Variants in NEDD4L observed in about 807,000 individuals in gnomAD.
NEDD4L encodes E3 ubiquitin-protein ligase NEDD4-like.
In NEDD4L, 54 loss-of-function variants were observed where a neutral mutation model predicts 148.9. The observed-to-expected ratio is 0.36, with a 90% CI of 0.29 to 0.45. The LOEUF (loss-of-function observed/expected upper bound fraction) is 0.45. Among genes scored for constraint, NEDD4L ranks in the 20% least tolerant of loss-of-function variants. The pLI is 1.00. For synonymous variants in NEDD4L, 433 were observed against 440.7 expected (o/e 0.98, Z 0.22); for missense variants, 856 against 1,233.8 (o/e 0.69, Z 4.59).
At chr18:58,108,892 C>T (rs551090331) in intron 1 of NEDD4L, among the ~76,000 whole-genome samples, 29 of 152,292 alleles carry the variant, frequency 1.9e-4, no homozygotes, top group Admixed American at 5.2e-4. Flanking sequence ...GATAACTGTA[C>T]ACATCACATT....
At chr18:58,335,613 T>C in intron 13 of NEDD4L, 76 bp downstream of exon 13, 1 of 1,078,200 alleles carries the variant, frequency 9.3e-7, no homozygotes, top group South Asian at 1.2e-5. Flanking sequence ...GTGGTGAATA[T>C]ACGCTGTTTT....
intron 5 of NEDD4L, among the ~76,000 whole-genome samples, chr18:58,271,109 C>G (rs2050980482): frequency 6.6e-6 from 1 of 151,512 alleles, no homozygotes; most frequent in Non-Finnish European, 1.5e-5. Context: ...TGTTTTTTTC[C>G]CTGAAAGAGA....
At chr18:58,221,705 C>G (rs1212995353) in intron 2 of NEDD4L, 1 of 985,338 alleles carries the variant, frequency 1.0e-6, no homozygotes, top group East Asian at 1.1e-4. Context: ...CAGCGCTAGT[C>G]CAGCTGAACA....
At chr18:58,229,720 G>A (rs1412651693) in intron 2 of NEDD4L, among the ~76,000 whole-genome samples, 2 of 152,088 alleles carry the variant, frequency 1.3e-5, no homozygotes, top group Non-Finnish European at 2.9e-5. Context: ...GGCTGGGCGC[G>A]GTGGCTCATG....
intron 1 of NEDD4L, among the ~76,000 whole-genome samples, chr18:58,063,003 A>G (rs1479979110): frequency 6.7e-6 from 1 of 148,692 alleles, no homozygotes; most frequent in Non-Finnish European, 1.5e-5. Context: ...AAAAAAAAAA[A>G]AGAAATCGAA....
At chr18:58,077,168 T>G (rs2083212376) in intron 1 of NEDD4L, among the ~76,000 whole-genome samples, 1 of 107,530 alleles carries the variant, frequency 9.3e-6, no homozygotes, top group Non-Finnish European at 1.8e-5. Flanking sequence ...GGCTTTTTTT[T>G]TTTTTTTTTT....
intron 2 of NEDD4L, among the ~76,000 whole-genome samples, chr18:58,202,325 C>T (rs1004651780): frequency 1.3e-5 from 2 of 152,250 alleles, no homozygotes; most frequent in Non-Finnish European, 2.9e-5. Context: ...ACTCTCTTTC[C>T]CTCTGCCTAT....
intron 1 of NEDD4L, among the ~76,000 whole-genome samples, chr18:58,140,543 G>A (rs1325337685): frequency 6.6e-6 from 1 of 152,052 alleles, no homozygotes; most frequent in African/African-American, 2.4e-5. Flanking sequence ...AATACATAGT[G>A]TGTCCCCTTG....
intron 1 of NEDD4L, among the ~76,000 whole-genome samples, chr18:58,096,563 CTGG>C (rs2084425738): frequency 6.6e-6 from 1 of 152,062 alleles, no homozygotes; most frequent in Admixed American, 6.5e-5. Flanking sequence ...ACCACAATGC[CTGG>C]CTAATTTTTG....
intron 1 of NEDD4L, among the ~76,000 whole-genome samples, chr18:58,061,322 A>T (rs1236704350): frequency 2.6e-5 from 4 of 152,216 alleles, no homozygotes; most frequent in African/African-American, 9.6e-5. Context: ...TGAGGCATAG[A>T]CAGGATGGGT....
chr18:58,295,142 A>T (rs1600824702), intron 5 of NEDD4L, among the ~76,000 whole-genome samples: 1 of 152,284 alleles, frequency 6.6e-6, no homozygotes, highest in Non-Finnish European at 1.5e-5. Context: ...AGTTTACACT[A>T]GGGTTCTCTC....
At chr18:58,192,101 T>C (rs1194292433) in intron 2 of NEDD4L, among the ~76,000 whole-genome samples, 1 of 151,968 alleles carries the variant, frequency 6.6e-6, no homozygotes, top group Non-Finnish European at 1.5e-5. Flanking sequence ...AATACAAGAG[T>C]TGGAGGTTGC....
intron 1 of NEDD4L, among the ~76,000 whole-genome samples, chr18:58,060,755 A>G (rs577413054): frequency 1.3e-5 from 2 of 152,166 alleles, no homozygotes; most frequent in African/African-American, 4.8e-5. Context: ...GACATTTGGC[A>G]ATGCCTGGAG....
At chr18:58,345,800 G>C (rs1395035963) in intron 16 of NEDD4L, among the ~76,000 whole-genome samples, 2 of 151,988 alleles carry the variant, frequency 1.3e-5, no homozygotes, top group Non-Finnish European at 1.5e-5. Context: ...GGAGTGTAAT[G>C]GCACAATCTC....
chr18:58,307,865 A>G (rs1309933435), intron 5 of NEDD4L, among the ~76,000 whole-genome samples: 3 of 152,242 alleles, frequency 2.0e-5, no homozygotes, highest in Non-Finnish European at 4.4e-5. Flanking sequence ...ATTTCAGATT[A>G]AGATCTGTTC....
chr18:58,302,745 AC>A (rs1437602697), intron 5 of NEDD4L, among the ~76,000 whole-genome samples: 1 of 152,168 alleles, frequency 6.6e-6, no homozygotes, highest in Non-Finnish European at 1.5e-5. Flanking sequence ...CCAGATGAGG[AC>A]CCTTGTCCAG....
chr18:58,201,557 A>G (rs1283962385), intron 2 of NEDD4L, among the ~76,000 whole-genome samples: 1 of 152,166 alleles, frequency 6.6e-6, no homozygotes, highest in East Asian at 1.9e-4. Flanking sequence ...GACAATAGAA[A>G]CAGGTTTCAA....
rs1568275575 is a variant in NEDD4L at position 58,142,032 on chromosome 18, A to ATTTC, written c.49-23748_49-23745dup. Among the ~76,000 whole-genome samples the ATTTC allele has an allele frequency of 6.5e-4, 62 of 95,382 alleles. 2 individuals are homozygous for ATTTC. Among genetic ancestry groups the ATTTC allele is most frequent in the African/African-American group, 2.2e-3 (56 of 25,400 alleles). 62.6% of individuals were successfully genotyped at this position (95,382 alleles called of 152,430 possible). A position where few individuals can be genotyped will look rare whatever the true frequency, so the allele number is the denominator to read the frequency against. On this transcript the variant is annotated intron_variant, in intron 1 of 30. Transcript: ENST00000400345. The stretch of plus-strand genomic sequence containing the variant: ...CCCCCCGACCCCACTGCCTTCCAAA[A>ATTTC]TTTCTTTCTTTTTTTTTTTTTTTTT...
intron 12 of NEDD4L, among the ~76,000 whole-genome samples, chr18:58,335,063 T>G (rs2041544233): frequency 6.6e-6 from 1 of 152,214 alleles, no homozygotes; most frequent in African/African-American, 2.4e-5. Flanking sequence ...GAACTCACTT[T>G]CCTGGAAACT....
Sources: gnomAD v4.1 joint callset for allele counts (sites outside exome capture counted in the v4.1 genomes callset) on GRCh38, gnomAD v4.1.1 for gene constraint, MANE v1.5 for transcripts, NCBI Gene and HGNC (gene_info 2026-07-23, HGNC 2026-07-21) for gene names.